The following NRBP2 variants were observed in gnomAD, a reference collection of about 807,000 sequenced individuals.
The protein encoded by NRBP2 is nuclear receptor binding protein 2.
NRBP2 carries 47 observed loss-of-function variants against 74.4 expected under a neutral mutation model. That is an observed-to-expected ratio of 0.63 (90% CI 0.50 to 0.81). NRBP2 has a LOEUF of 0.81. Ranked by LOEUF, NRBP2 falls within the 30% of genes least tolerant of loss-of-function variation. NRBP2 has a pLI of 0.00. For synonymous variants in NRBP2, 312 were observed against 273.8 expected (o/e 1.14, Z -1.38); for missense variants, 613 against 690.1 (o/e 0.89, Z 1.25).
chr8:143,836,289 A>G (rs182322251), intron 14 of NRBP2, 109 bp from the exon 15 acceptor site: 1 of 1,390,400 alleles, frequency 7.2e-7, no homozygotes, highest in Admixed American at 3.4e-5. Context: ...GGAATCTCTA[A>G]GAGGAGCCCA....
At position 143,833,848 on chromosome 8, in the gene NRBP2, C is replaced by T. The variant is rs1818252155; in HGVS notation, c.*1814G>A. 3 of 152,100 alleles carry T rather than the reference C, an allele frequency of 2.0e-5. No individual in the cohort carries two copies. Among genetic ancestry groups the T allele is most frequent in the South Asian group, 4.1e-4 (2 of 4,834 alleles). 9.4% of individuals were successfully genotyped at this position (152,100 alleles called of 1,614,324 possible). On this transcript the variant is annotated 3_prime_UTR_variant, in exon 18 of 18. Coordinates refer to ENST00000442628, the MANE Select transcript of NRBP2 (RefSeq NM_178564.4). Reference sequence around the variant, plus strand: ...GACAGTTTAGCATGAGGGTTTCCATCTAGGATATGGAAATTACTTTAGATT... The same window carrying T: ...GACAGTTTAGCATGAGGGTTTCCATTTAGGATATGGAAATTACTTTAGATT...
chr8:143,836,460 C>T (rs1267190135), intron 14 of NRBP2, among the ~76,000 whole-genome samples: 3 of 151,952 alleles, frequency 2.0e-5, no homozygotes, highest in African/African-American at 7.2e-5. Flanking sequence ...CGGGACAGGA[C>T]CGCGCCGAAG....
At position 143,839,467 on chromosome 8, in the gene NRBP2, G is replaced by GGGGCTC; in HGVS notation, c.485+36_485+41dup. On this transcript the variant is annotated intron_variant, in intron 5 of 17. Coordinates refer to ENST00000442628, the MANE Select transcript of NRBP2 (RefSeq NM_178564.4). This position sits in a 1 kb window ranked among gnomAD's most constrained non-coding sequence, Gnocchi z 5.1. ...CCGGTCAGGAGGCTCTGGAGAGATGGGGGCTCGGTGGCGCCGCGCCCAGGC... is the reference window on the plus strand; with the variant it reads ...CCGGTCAGGAGGCTCTGGAGAGATGGGGGCTCGGGCTCGGTGGCGCCGCGCCCAGGC... 6.6e-7 allele frequency: 1 copy of GGGGCTC among 1,524,044 alleles called. No homozygotes were observed. Among genetic ancestry groups the GGGGCTC allele is most frequent in the Non-Finnish European group, 8.8e-7 (1 of 1,141,878 alleles). 94.4% of individuals were successfully genotyped at this position (1,524,044 alleles called of 1,614,324 possible). A position where few individuals can be genotyped will look rare whatever the true frequency, so the allele number is the denominator to read the frequency against.
rs554411701 is a variant in NRBP2, at chr8:143,837,201, G to A, written c.1128-27C>T. On this transcript the variant is annotated intron_variant, in intron 13 of 17. Coordinates refer to ENST00000442628, the MANE Select transcript of NRBP2 (RefSeq NM_178564.4). The surrounding 1 kb of genome is among the most constrained non-coding windows in gnomAD (Gnocchi z 4.3). The stretch of plus-strand genomic sequence containing the variant: ...TGGGGACACAACAGGGTGGCTGGGG[G>A]TTCAGGCCTGACAGCTGCCTGGCCC... 3 of 1,613,882 alleles carry A rather than the reference G, an allele frequency of 1.9e-6. No individual in the cohort carries two copies. The highest frequency in any genetic ancestry group is 2.2e-5 in the East Asian group (1 of 44,868).
At chr8:143,838,565 G>T in intron 10 of NRBP2, 115 bp downstream of exon 10, 1 of 755,352 alleles carries the variant, frequency 1.3e-6, no homozygotes, top group Non-Finnish European at 2.2e-6. Flanking sequence ...GCAGTCAGCT[G>T]GTATACCCCT....
intron 10 of NRBP2, among the ~76,000 whole-genome samples, chr8:143,838,388 G>C (rs1278666814): frequency 6.6e-6 from 1 of 152,230 alleles, no homozygotes; most frequent in African/African-American, 2.4e-5. Context: ...CTTGGGCAAA[G>C]GACTCATCTC....
chr8:143,836,039 G>C lies in NRBP2; in HGVS notation c.1318-9C>G. ...ACCAGAAGCAGAGTGAGCTGGGGAG[G>C]CGGCGGGGCGTGGTCGGCTGGGGGT... is the stretch of plus-strand genomic sequence containing the variant. On this transcript the variant is annotated splice_polypyrimidine_tract_variant and intron_variant, in intron 15 of 17. Transcript: ENST00000442628. 1.3e-6 allele frequency: 2 copies of C among 1,564,500 alleles called. No individual in the cohort carries two copies. Among genetic ancestry groups the C allele is most frequent in the Non-Finnish European group, 1.7e-6 (2 of 1,157,170 alleles).
At chr8:143,831,305 C>A (rs1273599303), downstream of NRBP2, among the ~76,000 whole-genome samples, 2 of 152,250 alleles carry the variant, frequency 1.3e-5, no homozygotes, top group Non-Finnish European at 2.9e-5. Flanking sequence ...CTTGCCACCA[C>A]CATGACTGCA....
chr8:143,837,815 T>C lies in NRBP2; in HGVS notation c.841-60A>G, dbSNP rs782303755. 20 of 1,547,194 alleles carry C rather than the reference T, an allele frequency of 1.3e-5. No homozygotes were observed. Among genetic ancestry groups the C allele is most frequent in the Non-Finnish European group, 1.3e-5 (15 of 1,145,600 alleles). ...AGGGCTCTCTGCTCTGGCCCCGCAG[T>C]TCGAGGAGAGGTGGCCCCTGAGTTC... On this transcript the variant is annotated intron_variant, in intron 10 of 17. Coordinates refer to ENST00000442628, the MANE Select transcript of NRBP2 (RefSeq NM_178564.4). The surrounding 1 kb of genome is among the most constrained non-coding windows in gnomAD (Gnocchi z 4.3).
At position 143,839,374 on chromosome 8, in the gene NRBP2, C is replaced by G. The variant is rs781823007; in HGVS notation, c.520G>C (p.Gly174Arg). 6.9e-5 allele frequency: 110 copies of G among 1,589,680 alleles called. 1 individual carries two copies. The highest frequency in any genetic ancestry group is 9.4e-6 in the Non-Finnish European group (11 of 1,175,280). ...LHACSPPIIH[G>R]NLTSDTIFIQ... ...AAGATGGTGTCGCTGGTCAGGTTCC[C>G]GTGGATGATTGGGGGGCTGCAGGCG... The change falls in exon 6 of 18, where the codon GGG becomes CGG. Residue 174 changes from glycine to arginine, a missense_variant. This residue lies in a region of NRBP2 where 332 missense variants were observed against 429.2 expected (regional missense o/e 0.77). Coordinates refer to ENST00000442628, the MANE Select transcript of NRBP2 (RefSeq NM_178564.4). This position sits in a 1 kb window ranked among gnomAD's most constrained non-coding sequence, Gnocchi z 5.1.
At position 143,835,644 on chromosome 8, in the gene NRBP2, T is replaced by TGGGGCTGGGGCTCCGGGTC. The variant is rs782071921; in HGVS notation, c.1505_*17dup. On this transcript the variant is annotated 3_prime_UTR_variant, in exon 18 of 18. Transcript: ENST00000442628. The surrounding 1 kb of genome is among the most constrained non-coding windows in gnomAD (Gnocchi z 4.9). The stretch of plus-strand genomic sequence containing the variant: ...CAGGCAGCACCCCGGCATGGTCCCC[T>TGGGGCTGGGGCTCCGGGTC]GGGGCTGGGGCTCCGGGTCAGGCCT... 3 of 1,561,176 alleles carry TGGGGCTGGGGCTCCGGGTC rather than the reference T, an allele frequency of 1.9e-6. No individual in the cohort carries two copies. The African/African-American group carries it at 4.1e-5, about 21-fold the overall frequency.
chr8:143,836,485 G>A (rs1453448492), intron 14 of NRBP2, among the ~76,000 whole-genome samples: 1 of 151,954 alleles, frequency 6.6e-6, no homozygotes, highest in African/African-American at 2.4e-5. Flanking sequence ...CGGTGCCTGC[G>A]GGATCAGGCC....
At chr8:143,836,317 T>A (rs1554651781) in intron 14 of NRBP2, 137 bp from the exon 15 acceptor site, 1 of 1,288,030 alleles carries the variant, frequency 7.8e-7, no homozygotes, top group Non-Finnish European at 1.0e-6. Context: ...GCTAGTGGCT[T>A]GGCAAGCTAA....
chr8:143,839,151 C>A lies in NRBP2; in HGVS notation c.604+21G>T. The A allele has an allele frequency of 2.6e-6, 4 of 1,517,512 alleles. No individual in the cohort carries two copies. Among genetic ancestry groups the A allele is most frequent in the Non-Finnish European group, 3.5e-6 (4 of 1,135,508 alleles). The allele number at this position is 1,517,512 out of a possible 1,614,324, so 94.0% of individuals were successfully genotyped here. A position where few individuals can be genotyped will look rare whatever the true frequency, so the allele number is the denominator to read the frequency against. Reference sequence around the variant, plus strand: ...GGCGGGGACCTCTCCAGGACCCCGTCCCCCCAAAGTCCGCACTTACCATTG... The same window carrying A: ...GGCGGGGACCTCTCCAGGACCCCGTACCCCCAAAGTCCGCACTTACCATTG... On this transcript the variant is annotated intron_variant, in intron 7 of 17. Coordinates refer to ENST00000442628, the MANE Select transcript of NRBP2 (RefSeq NM_178564.4). The surrounding 1 kb of genome is among the most constrained non-coding windows in gnomAD (Gnocchi z 5.1).
chr8:143,836,911 C>A lies in NRBP2; in HGVS notation c.1263+128G>T, dbSNP rs1818426368. The stretch of plus-strand genomic sequence containing the variant: ...CCCCCACAAGGGGGTCAGCCTGGAT[C>A]TGGTCTCTGGCAGCCAGGAGGAGAG... On this transcript the variant is annotated intron_variant, in intron 14 of 17. Coordinates refer to ENST00000442628, the MANE Select transcript of NRBP2 (RefSeq NM_178564.4). The A allele has an allele frequency of 3.7e-6, 4 of 1,084,702 alleles. No individual in the cohort carries two copies. The East Asian group carries it at 9.5e-5, about 26-fold the overall frequency. 67.2% of individuals were successfully genotyped at this position (1,084,702 alleles called of 1,614,324 possible). A position where few individuals can be genotyped will look rare whatever the true frequency, so the allele number is the denominator to read the frequency against.
At chr8:143,838,425 C>T (rs930367574) in intron 10 of NRBP2, among the ~76,000 whole-genome samples, 2 of 152,226 alleles carry the variant, frequency 1.3e-5, no homozygotes, top group Middle Eastern at 3.2e-3. Flanking sequence ...CTTTATAAAA[C>T]GGGCATGGTG....
In NRBP2 at chr8:143,838,731, T is replaced by C; in HGVS notation, c.789A>G (p.Thr263=). ...EIQTNGDTRV[T]EEAIARARHS... is the part of the protein sequence containing the mutation. ...GCCTGGCGCGAGCAATGGCCTCCTC[T>C]GTGACCCGGGTGTCCCCATTGGTCT... is the stretch of plus-strand genomic sequence containing the variant. The change falls in exon 10 of 18, where the codon ACA becomes ACG. Residue 263 remains threonine, a synonymous_variant. Coordinates refer to ENST00000442628, the MANE Select transcript of NRBP2 (RefSeq NM_178564.4). The C allele has an allele frequency of 6.2e-7, 1 of 1,613,430 alleles. No homozygotes were observed. The highest frequency in any genetic ancestry group is 8.5e-7 in the Non-Finnish European group (1 of 1,179,726).
rs1283785722 is a variant in NRBP2 at position 143,834,410 on chromosome 8, G to A, written c.*1252C>T. 1.3e-5 allele frequency: 2 copies of A among 152,262 alleles called. No homozygotes were observed. The highest frequency in any genetic ancestry group is 4.8e-5 in the African/African-American group (2 of 41,462). 9.4% of individuals were successfully genotyped at this position (152,262 alleles called of 1,614,324 possible). A position where few individuals can be genotyped will look rare whatever the true frequency, so the allele number is the denominator to read the frequency against. ...CGAAAGGATGTGGATTCTGCCAGCA[G>A]CCTGAAGGAGCAGGAGACAGAGTCT... is the stretch of plus-strand genomic sequence containing the variant. On this transcript the variant is annotated 3_prime_UTR_variant, in exon 18 of 18. Coordinates refer to ENST00000442628, the MANE Select transcript of NRBP2 (RefSeq NM_178564.4).
rs965611528 is a variant in NRBP2 at position 143,839,474 on chromosome 8, G to T, written c.485+35C>A. The stretch of plus-strand genomic sequence containing the variant: ...GGAGGCTCTGGAGAGATGGGGGCTC[G>T]GTGGCGCCGCGCCCAGGCCAGCCCA... On this transcript the variant is annotated intron_variant, in intron 5 of 17. Coordinates refer to ENST00000442628, the MANE Select transcript of NRBP2 (RefSeq NM_178564.4). The surrounding 1 kb of genome is among the most constrained non-coding windows in gnomAD (Gnocchi z 5.1). 1 of 1,531,868 alleles carries T rather than the reference G, an allele frequency of 6.5e-7. No homozygotes were observed. Among genetic ancestry groups the T allele is most frequent in the South Asian group, 1.2e-5 (1 of 83,954 alleles). The allele number at this position is 1,531,868 out of a possible 1,614,324, so 94.9% of individuals were successfully genotyped here. A position where few individuals can be genotyped will look rare whatever the true frequency, so the allele number is the denominator to read the frequency against.
Sources: gnomAD v4.1 joint callset for allele counts (sites outside exome capture counted in the v4.1 genomes callset) on GRCh38, gnomAD v4.1.1 for gene constraint, gnomAD v4.1.1 regional missense constraint, Gnocchi (gnomAD v3.1) non-coding constraint, MANE v1.5 for transcripts, NCBI Gene and HGNC (gene_info 2026-07-23, HGNC 2026-07-21) for gene names.